The following ADCY9 variants were observed in gnomAD, a reference collection of about 807,000 sequenced individuals.
ADCY9 encodes the protein adenylate cyclase type 9.
ADCY9 carries 50 observed loss-of-function variants against 101.5 expected under a neutral mutation model. That is an observed-to-expected ratio of 0.49 (90% CI 0.39 to 0.62). ADCY9 has a LOEUF of 0.62. ADCY9 is among the 20% of genes least tolerant of loss of function. ADCY9 has a pLI of 0.00. For synonymous variants in ADCY9, 905 were observed against 769.3 expected (o/e 1.18, Z -2.92); for missense variants, 1,662 against 1,800.4 (o/e 0.92, Z 1.39).
At chr16:3,968,430 C>T (rs74003479) in intron 10 of ADCY9, among the ~76,000 whole-genome samples, 1,775 of 152,290 alleles carry the variant, frequency 0.012, 26 homozygotes, top group African/African-American at 0.041. Context: ...CCGCGCCTGG[C>T]CTTGGTTCTT....
chr16:4,060,953 T>C (rs2056770285), intron 2 of ADCY9, among the ~76,000 whole-genome samples: 1 of 152,092 alleles, frequency 6.6e-6, no homozygotes, highest in East Asian at 1.9e-4. Flanking sequence ...ACTGAAGGAA[T>C]TCATGTTTAA....
intron 2 of ADCY9, among the ~76,000 whole-genome samples, chr16:4,021,519 G>C (rs567669201): frequency 9.2e-5 from 14 of 152,290 alleles, no homozygotes; most frequent in African/African-American, 3.4e-4. Flanking sequence ...CACCAAGTCT[G>C]TGTGAGCACA....
In ADCY9 at chr16:4,077,072, C is replaced by T. The variant is rs370408427; in HGVS notation, c.1693+36678G>A. ...AGCCTGGGGGACAAGGTTGAGACTT[C>T]GTCTCAAAAAAAAAAAAAAAGAATC... On this transcript the variant is annotated intron_variant, in intron 2 of 10. Transcript: ENST00000294016. 4.7e-3 allele frequency among the ~76,000 whole-genome samples: 338 copies of T among 71,768 alleles called. 5 individuals carry two copies. Among genetic ancestry groups the T allele is most frequent in the African/African-American group, 0.016 (320 of 19,558 alleles). The allele number at this position is 71,768 out of a possible 152,430, so 47.1% of individuals were successfully genotyped here.
chr16:4,028,918 A>G (rs1461840815), intron 2 of ADCY9, among the ~76,000 whole-genome samples: 1 of 151,624 alleles, frequency 6.6e-6, no homozygotes, highest in African/African-American at 2.4e-5. Context: ...TTGAGTAGCT[A>G]GGACTACAGG....
chr16:3,958,746 A>G (rs537793258), downstream of ADCY9, among the ~76,000 whole-genome samples: 75 of 129,068 alleles, frequency 5.8e-4, no homozygotes, highest in Middle Eastern at 6.2e-3. Context: ...ATCCTGGCTC[A>G]CTGCAACCTC....
rs563191714 is a variant in ADCY9 at position 3,964,225 on chromosome 16, G to A, written c.*1550C>T. ...GGACAACGGGCAAGACTGACAAGGA[G>A]TGCACCCTGGGCCTCATCAGCGTCC... On this transcript the variant is annotated 3_prime_UTR_variant, in exon 11 of 11. Coordinates refer to ENST00000294016, the MANE Select transcript of ADCY9 (RefSeq NM_001116.4). 6.6e-6 allele frequency: 1 copy of A among 152,302 alleles called. No individual in the cohort carries two copies. The highest frequency in any genetic ancestry group is 1.9e-4 in the East Asian group (1 of 5,196). 9.4% of individuals were successfully genotyped at this position (152,302 alleles called of 1,614,324 possible). A position where few individuals can be genotyped will look rare whatever the true frequency, so the allele number is the denominator to read the frequency against.
intron 2 of ADCY9, among the ~76,000 whole-genome samples, chr16:4,047,715 C>T (rs942489416): frequency 6.6e-6 from 1 of 152,186 alleles, no homozygotes; most frequent in African/African-American, 2.4e-5. Context: ...CAATCAGGTC[C>T]TTCGGTTGAA....
At position 4,116,099 on chromosome 16, in the gene ADCY9, G is replaced by T. The variant is rs1354496002; in HGVS notation, c.-453C>A. The T allele has an allele frequency of 6.9e-6, 1 of 145,742 alleles. No individual in the cohort carries two copies. The highest frequency in any genetic ancestry group is 1.5e-5 in the Non-Finnish European group (1 of 65,648). The allele number at this position is 145,742 out of a possible 1,614,324, so 9.0% of individuals were successfully genotyped here. A position where few individuals can be genotyped will look rare whatever the true frequency, so the allele number is the denominator to read the frequency against. On this transcript the variant is annotated 5_prime_UTR_variant, in exon 1 of 11. Transcript: ENST00000294016. Reference sequence around the variant, plus strand: ...GGGCGCTGGGGGTGGGGGCGCCCCGGGCTGCGAGTGCGCGGAGCCCGTCGG... The same window carrying T: ...GGGCGCTGGGGGTGGGGGCGCCCCGTGCTGCGAGTGCGCGGAGCCCGTCGG...
chr16:4,028,006 G>A (rs2094542970), intron 2 of ADCY9, among the ~76,000 whole-genome samples: 1 of 152,032 alleles, frequency 6.6e-6, no homozygotes, highest in African/African-American at 2.4e-5. Context: ...CAACATGTGG[G>A]AATTGTGGGA....
intron 3 of ADCY9, among the ~76,000 whole-genome samples, 169 bp from the exon 4 acceptor site, chr16:3,993,679 G>A (rs2056265390): frequency 6.6e-6 from 1 of 152,202 alleles, no homozygotes; most frequent in Admixed American, 6.5e-5. Flanking sequence ...CAAAGTGACA[G>A]TGGAAACACA....
intron 2 of ADCY9, among the ~76,000 whole-genome samples, chr16:4,090,263 G>A (rs1456060791): frequency 2.6e-5 from 4 of 152,036 alleles, no homozygotes; most frequent in Non-Finnish European, 5.9e-5. Context: ...GTTCAAGGAG[G>A]GACCTTGCCC....
At chr16:3,954,110 T>C (rs2055895264) in intron 5 of ADCY9, among the ~76,000 whole-genome samples, 1 of 152,154 alleles carries the variant, frequency 6.6e-6, no homozygotes, top group Non-Finnish European at 1.5e-5. Flanking sequence ...GCACTTTGGT[T>C]TAATGCTGCA....
At position 4,114,031 on chromosome 16, in the gene ADCY9, T is replaced by A. The variant is rs780202392; in HGVS notation, c.1412A>T (p.Lys471Met). The A allele has an allele frequency of 1.2e-6, 2 of 1,613,874 alleles. No homozygotes were observed. Among genetic ancestry groups the A allele is most frequent in the Non-Finnish European group, 8.5e-7 (1 of 1,180,034 alleles). The change falls in exon 2 of 11, where the codon AAG (lysine) becomes ATG (methionine). Residue 471 changes from lysine to methionine, a missense_variant. Physicochemically the swap from Lys to Met is moderately conservative, Grantham distance 95. Transcript: ENST00000294016. This position sits in a 1 kb window ranked among gnomAD's most constrained non-coding sequence, Gnocchi z 4.3. ...CCIEMGLGMI[K>M]AIEQFCQEKK... ...CTCCTGGCAGAACTGCTCGATGGCC[T>A]TGATCATGCCCAGGCCCATCTCGAT...
intron 2 of ADCY9, among the ~76,000 whole-genome samples, chr16:4,090,613 GACCCCACGGAA>G (rs2056967349): frequency 6.6e-6 from 1 of 151,992 alleles, no homozygotes; most frequent in Admixed American, 6.6e-5. Context: ...GGGCTCACTC[GACCCCACGGAA>G]ACCAGAGGGA....
At position 3,992,946 on chromosome 16, in the gene ADCY9, G is replaced by A. The variant is rs546961784; in HGVS notation, c.1989+460C>T. Among the ~76,000 whole-genome samples the A allele has an allele frequency of 2.6e-5, 4 of 152,214 alleles. No homozygotes were observed. Among genetic ancestry groups the A allele is most frequent in the African/African-American group, 4.8e-5 (2 of 41,528 alleles). On this transcript the variant is annotated intron_variant, in intron 4 of 10. Coordinates refer to ENST00000294016, the MANE Select transcript of ADCY9 (RefSeq NM_001116.4). The surrounding 1 kb of genome is among the most constrained non-coding windows in gnomAD (Gnocchi z 4.2). ...CATGAGCCCCCGCCGACAGGCTCTC[G>A]CGGGTGGGCTGAGTCCTGGCCCTGG...
At chr16:3,958,008 C>T (rs1467113162), downstream of ADCY9, among the ~76,000 whole-genome samples, 3 of 152,040 alleles carry the variant, frequency 2.0e-5, no homozygotes, top group African/African-American at 7.2e-5. Flanking sequence ...CAGCAGCTCT[C>T]GGGAGGGCAG....
At chr16:4,088,696 C>G (rs1428778876) in intron 2 of ADCY9, among the ~76,000 whole-genome samples, 2 of 152,038 alleles carry the variant, frequency 1.3e-5, no homozygotes, top group African/African-American at 4.8e-5. Context: ...TCCCTCTCCG[C>G]TCCACAATCT....
intron 10 of ADCY9, among the ~76,000 whole-genome samples, chr16:3,967,757 G>C (rs566798487): frequency 4.0e-4 from 60 of 150,456 alleles, no homozygotes; most frequent in African/African-American, 1.3e-3. Flanking sequence ...GAGTGCAGTG[G>C]TGCGATCTTG....
intron 2 of ADCY9, among the ~76,000 whole-genome samples, chr16:4,050,246 G>A (rs1316306755): frequency 6.6e-6 from 1 of 152,130 alleles, no homozygotes; most frequent in Non-Finnish European, 1.5e-5. Flanking sequence ...AAGGAAAGGG[G>A]AGAAAGCTGA....
Sources: gnomAD v4.1 joint callset for allele counts (sites outside exome capture counted in the v4.1 genomes callset) on GRCh38, gnomAD v4.1.1 for gene constraint, Gnocchi (gnomAD v3.1) non-coding constraint, MANE v1.5 for transcripts, NCBI Gene and HGNC (gene_info 2026-07-23, HGNC 2026-07-21) for gene names.